Variants in FAM111B observed in about 807,000 individuals in gnomAD.
FAM111B encodes the protein serine protease FAM111B.
FAM111B carries 1 observed loss-of-function variant against 2.8 expected under a neutral mutation model. That is an observed-to-expected ratio of 0.36 (90% CI 0.13 to 1.70). The LOEUF (loss-of-function observed/expected upper bound fraction) is 1.70, where lower values mean the gene tolerates loss of function less well. Among genes scored for constraint, FAM111B ranks in the 40% most tolerant of loss-of-function variants. FAM111B has a pLI of 0.35. For missense variants in FAM111B, 882 were observed against 878.9 expected (o/e 1.00, Z -0.04); for synonymous variants, 297 against 295.6 (o/e 1.00, Z -0.05).
Position 59,112,492 on chromosome 11 carries a change from G to A in FAM111B, c.81+2786G>A, listed in dbSNP as rs554131084. ...ATTTGCCTGCAGGTTTTTGTATGAA[G>A]ATTAGTTTTCATTTCTCTTGGGTTC... On this transcript the variant is annotated intron_variant, in intron 3 of 3. Transcript: ENST00000343597. Among the ~76,000 whole-genome samples the A allele has an allele frequency of 2.0e-5, 3 of 152,288 alleles. No individual in the cohort carries two copies. In the South Asian group the frequency reaches 6.2e-4, roughly 32 times the overall value.
intron 3 of FAM111B, among the ~76,000 whole-genome samples, chr11:59,111,106 T>C (rs1245269352): frequency 6.6e-6 from 1 of 152,194 alleles, no homozygotes; most frequent in Non-Finnish European, 1.5e-5. Flanking sequence ...CCTGGCTGGC[T>C]TTCTGCATAG....
At chr11:59,122,141 C>CA (rs917365882) in intron 3 of FAM111B, among the ~76,000 whole-genome samples, 3 of 151,012 alleles carry the variant, frequency 2.0e-5, no homozygotes, top group East Asian at 3.9e-4. Context: ...GACTCCGTCT[C>CA]AAAAAAAATA....
chr11:59,109,053 C>T (rs969305311), intron 2 of FAM111B, among the ~76,000 whole-genome samples: 2 of 152,156 alleles, frequency 1.3e-5, no homozygotes, highest in Non-Finnish European at 2.9e-5. Context: ...AGTAGTCTCC[C>T]TGATACTTCA....
chr11:59,120,281 C>G (rs929854394), intron 3 of FAM111B, among the ~76,000 whole-genome samples: 1 of 152,206 alleles, frequency 6.6e-6, no homozygotes, highest in Middle Eastern at 3.4e-3. Context: ...TAGAGACAGA[C>G]TCACAAATTT....
At chr11:59,120,914 A>T (rs868008768) in intron 3 of FAM111B, among the ~76,000 whole-genome samples, 7 of 152,230 alleles carry the variant, frequency 4.6e-5, no homozygotes, top group African/African-American at 1.7e-4. Context: ...GACAGTACAG[A>T]TCAGTGGAGA....
At position 59,125,157 on chromosome 11, in the gene FAM111B, C is replaced by A; in HGVS notation, c.1060C>A (p.Pro354Thr). ...TAGAAATTATTACTTTTGTAGTTTG[C>A]CCCGAAAATATAGGCAAATAAACTC... ...RIRNYYFCSL[P>T]RKYRQINSQV... is the part of the protein sequence containing the mutation. Residue 354 changes from proline to threonine, a missense_variant, in exon 4 of 4, where the codon CCC (proline) becomes ACC (threonine). Transcript: ENST00000343597. 2 of 1,613,908 alleles carry A rather than the reference C, an allele frequency of 1.2e-6. No individual in the cohort carries two copies. The highest frequency in any genetic ancestry group is 2.2e-5 in the South Asian group (2 of 91,074).
chr11:59,109,407 A>G (rs1859721135), intron 2 of FAM111B, 133 bp from the exon 3 acceptor site: 1 of 369,026 alleles, frequency 2.7e-6, no homozygotes, highest in Admixed American at 4.3e-5. Context: ...AACTCCATAC[A>G]GTAAGCTAAA....
rs773999761 is a variant in FAM111B at position 59,124,230 on chromosome 11, T to C, written c.133T>C (p.Ser45Pro). The C allele has an allele frequency of 1.7e-5, 28 of 1,613,704 alleles. No individual in the cohort carries two copies. In the East Asian group the frequency reaches 4.9e-4, roughly 28 times the overall value. Residue 45 changes from serine to proline, a missense_variant, in exon 4 of 4, where the codon TCT (serine) becomes CCT (proline). By Grantham distance (74) the Ser-to-Pro change is moderately conservative (BLOSUM62 -1). Coordinates refer to ENST00000343597, the MANE Select transcript of FAM111B (RefSeq NM_198947.4). ...TGACACACCTGTTGATCATTGTCTA[T>C]CTGGCATAAGAAAGTGTAGCAGCAC... ...HADTPVDHCL[S>P]GIRKCSSTFK...
intron 3 of FAM111B, among the ~76,000 whole-genome samples, chr11:59,113,709 T>TA (rs1590888477): frequency 6.6e-6 from 1 of 152,182 alleles, no homozygotes; most frequent in African/African-American, 2.4e-5. Context: ...CCCCCAGACT[T>TA]AGAGTCCCCT....
intron 3 of FAM111B, among the ~76,000 whole-genome samples, 196 bp from the exon 4 acceptor site, chr11:59,123,980 GAAA>G (rs533825570): frequency 3.3e-5 from 5 of 151,326 alleles, no homozygotes; most frequent in African/African-American, 1.2e-4. Flanking sequence ...AGTATACAGA[GAAA>G]AAAAATTAAA....
At chr11:59,115,131 T>G (rs527568268) in intron 3 of FAM111B, among the ~76,000 whole-genome samples, 4 of 152,178 alleles carry the variant, frequency 2.6e-5, no homozygotes, top group Non-Finnish European at 4.4e-5. Context: ...GCCTGGGTTT[T>G]CCTCATCAGA....
chr11:59,111,950 A>T (rs1048565823), intron 3 of FAM111B, among the ~76,000 whole-genome samples: 1 of 152,234 alleles, frequency 6.6e-6, no homozygotes, highest in African/African-American at 2.4e-5. Context: ...TGTCTTACAG[A>T]TTATTTGAAA....
chr11:59,119,574 T>A (rs1859889990), intron 3 of FAM111B, among the ~76,000 whole-genome samples: 1 of 152,226 alleles, frequency 6.6e-6, no homozygotes, highest in South Asian at 2.1e-4. Context: ...GCTTTAGTTT[T>A]AATTAGTGGA....
At chr11:59,120,427 G>A (rs1452482577) in intron 3 of FAM111B, among the ~76,000 whole-genome samples, 2 of 152,306 alleles carry the variant, frequency 1.3e-5, no homozygotes, top group East Asian at 1.9e-4. Flanking sequence ...ATTAGATAAT[G>A]AGGGCTCTAC....
Position 59,109,710 on chromosome 11 carries a change from T to C in FAM111B, c.81+4T>C, listed in dbSNP as rs1163498806. 1 of 1,598,972 alleles carries C rather than the reference T, an allele frequency of 6.3e-7. No homozygotes were observed. The highest frequency in any genetic ancestry group is 1.3e-5 in the African/African-American group (1 of 74,642). The stretch of plus-strand genomic sequence containing the variant: ...GACTAGACCTGAAGTTTCAAAGGTA[T>C]ATCTACTTTTTTACAACTCCTCAGA... On this transcript the variant is annotated splice_donor_region_variant and intron_variant, in intron 3 of 3. Transcript: ENST00000343597.
At chr11:59,115,060 G>T (rs1859818789) in intron 3 of FAM111B, among the ~76,000 whole-genome samples, 1 of 152,172 alleles carries the variant, frequency 6.6e-6, no homozygotes, top group African/African-American at 2.4e-5. Context: ...TCTAGTGCTT[G>T]TTGACTCACT....
intron 1 of FAM111B, among the ~76,000 whole-genome samples, chr11:59,108,110 T>C (rs1590885781): frequency 6.6e-6 from 1 of 152,200 alleles, no homozygotes; most frequent in African/African-American, 2.4e-5. Context: ...CACCCCGACA[T>C]ACTGAATCAG....
chr11:59,124,097 A>G (rs963884963), intron 3 of FAM111B, 82 bp from the exon 4 acceptor site: 6 of 885,104 alleles, frequency 6.8e-6, no homozygotes, highest in Non-Finnish European at 9.9e-6. Context: ...TATTCATAAT[A>G]TCTATTAGTT....
intron 3 of FAM111B, among the ~76,000 whole-genome samples, chr11:59,110,443 C>G (rs1859740789): frequency 6.6e-6 from 1 of 152,054 alleles, no homozygotes; most frequent in Admixed American, 6.6e-5. Context: ...TTTCCTTATA[C>G]AAGGTGAATA....
Sources: allele counts gnomAD v4.1 joint callset (sites outside exome capture counted in the v4.1 genomes callset), GRCh38; gene constraint gnomAD v4.1.1; transcripts MANE v1.5; gene names NCBI Gene and HGNC (gene_info 2026-07-23, HGNC 2026-07-21).